Variants in TENM2 observed in about 807,000 individuals in gnomAD.
The protein encoded by TENM2 is teneurin-2.
TENM2 carries 52 observed loss-of-function variants against 245.2 expected under a neutral mutation model. The ratio of observed to expected loss-of-function variants is 0.21; its 90% CI spans 0.17 to 0.27. The LOEUF is 0.27. Among genes scored for constraint, TENM2 ranks in the 10% least tolerant of loss-of-function variants. TENM2 has a pLI of 1.00. For missense variants in TENM2, 3,046 were observed against 3,666.8 expected (o/e 0.83, Z 4.37); for synonymous variants, 1,363 against 1,438.9 (o/e 0.95, Z 1.19).
chr5:167,590,315 C>A (rs1212277211), intron 2 of TENM2, among the ~76,000 whole-genome samples: 1 of 151,788 alleles, frequency 6.6e-6, no homozygotes, highest in Non-Finnish European at 1.5e-5. Flanking sequence ...TGTTTCTCAG[C>A]TTTAAAAAAA....
chr5:167,492,532 T>C (rs1049704340), intron 2 of TENM2, among the ~76,000 whole-genome samples: 1 of 152,188 alleles, frequency 6.6e-6, no homozygotes, highest in Admixed American at 6.6e-5. Flanking sequence ...ATTTCTTTTA[T>C]ATTTAGGCTT....
the TENM2 span, among the ~76,000 whole-genome samples, chr5:167,171,133 G>C: frequency 3.9e-3 from 593 of 152,132 alleles, no homozygotes; most frequent in African/African-American, 0.014. Context: ...CTTTGGCTCT[G>C]TTCCAGCCAC....
chr5:167,940,403 A>G (rs1269811770), intron 3 of TENM2, among the ~76,000 whole-genome samples: 1 of 152,182 alleles, frequency 6.6e-6, no homozygotes, highest in East Asian at 1.9e-4. Flanking sequence ...AGAAAGACAA[A>G]TGAGTTTTTT....
intron 27 of TENM2, among the ~76,000 whole-genome samples, chr5:168,249,031 A>G (rs1216171933): frequency 6.6e-6 from 1 of 152,030 alleles, no homozygotes; most frequent in Non-Finnish European, 1.5e-5. Flanking sequence ...AGCCAAGAAA[A>G]TCACTTGAAC....
chr5:167,561,886 G>A (rs963681467), intron 2 of TENM2, among the ~76,000 whole-genome samples: 6 of 152,094 alleles, frequency 3.9e-5, no homozygotes, highest in Non-Finnish European at 7.4e-5. Flanking sequence ...CATTAGAACC[G>A]TAAAAATAAA....
intron 5 of TENM2, among the ~76,000 whole-genome samples, chr5:168,023,269 A>G (rs747782364): frequency 1.3e-5 from 2 of 152,244 alleles, no homozygotes; most frequent in African/African-American, 2.4e-5. Context: ...GATATTCAAA[A>G]TTCAATAAAA....
intron 2 of TENM2, among the ~76,000 whole-genome samples, chr5:167,382,501 G>T (rs568579551): frequency 6.6e-6 from 1 of 152,140 alleles, no homozygotes; most frequent in Admixed American, 6.6e-5. Context: ...GATAGCCAAG[G>T]AACATTCAGG....
At chr5:168,255,203 A>T (rs1767541041) in intron 27 of TENM2, among the ~76,000 whole-genome samples, 1 of 152,204 alleles carries the variant, frequency 6.6e-6, no homozygotes. Flanking sequence ...ACAGATGGGG[A>T]GAGATAGTCC....
chr5:167,557,291 G>A (rs1276125084), intron 2 of TENM2, among the ~76,000 whole-genome samples: 2 of 152,160 alleles, frequency 1.3e-5, no homozygotes, highest in African/African-American at 4.8e-5. Context: ...CATCACGATT[G>A]TCACCATGAT....
At chr5:168,079,427 T>A (rs2152181945) in intron 7 of TENM2, among the ~76,000 whole-genome samples, 1 of 152,292 alleles carries the variant, frequency 6.6e-6, no homozygotes, top group East Asian at 1.9e-4. Context: ...TTTATTTCCT[T>A]CTCCTGCCTG....
the TENM2 span, among the ~76,000 whole-genome samples, chr5:166,981,103 C>G: frequency 6.6e-6 from 1 of 152,108 alleles, no homozygotes; most frequent in Non-Finnish European, 1.5e-5. Context: ...AGAAAAAAAC[C>G]TACTCTAAGG....
intron 2 of TENM2, among the ~76,000 whole-genome samples, chr5:167,387,460 G>A (rs1195174844): frequency 1.3e-5 from 2 of 152,064 alleles, no homozygotes; most frequent in Non-Finnish European, 2.9e-5. Context: ...CATATCATCA[G>A]CAAACAGTGA....
the TENM2 span, among the ~76,000 whole-genome samples, chr5:167,118,784 C>T: frequency 6.6e-6 from 1 of 152,068 alleles, no homozygotes; most frequent in Non-Finnish European, 1.5e-5. Context: ...AAGGGTAGTA[C>T]GGAGTTCTGT....
intron 2 of TENM2, among the ~76,000 whole-genome samples, chr5:167,561,667 G>A (rs572492242): frequency 2.9e-4 from 44 of 152,340 alleles, no homozygotes; most frequent in African/African-American, 9.9e-4. Flanking sequence ...AAATAAGGGT[G>A]AGGAGGCGAG....
At chr5:168,051,084 A>G (rs2152054184) in intron 6 of TENM2, among the ~76,000 whole-genome samples, 1 of 152,356 alleles carries the variant, frequency 6.6e-6, no homozygotes, top group Middle Eastern at 3.4e-3. Flanking sequence ...AGATAACATA[A>G]GGGAATTCAG....
At chr5:167,119,569 G>A in the TENM2 span, 2 of 152,300 alleles carry the variant, frequency 1.3e-5, no homozygotes, top group African/African-American at 4.8e-5. Context: ...CCACTTGGTG[G>A]AAGATGGAAG....
At chr5:167,113,627 A>T in the TENM2 span, among the ~76,000 whole-genome samples, 3 of 149,462 alleles carry the variant, frequency 2.0e-5, no homozygotes, top group Non-Finnish European at 4.4e-5. Context: ...TGGGCAACAG[A>T]GCGAGATCCT....
At chr5:167,516,259 G>C (rs1770373408) in intron 2 of TENM2, among the ~76,000 whole-genome samples, 1 of 152,056 alleles carries the variant, frequency 6.6e-6, no homozygotes, top group African/African-American at 2.4e-5. Flanking sequence ...AATGCTTCTG[G>C]ATTGCAGCAT....
At chr5:167,040,191 A>C in the TENM2 span, among the ~76,000 whole-genome samples, 1 of 152,054 alleles carries the variant, frequency 6.6e-6, no homozygotes, top group African/African-American at 2.4e-5. Flanking sequence ...TTACAACAAA[A>C]CTTTCTAGGA....
Sources: gnomAD v4.1 joint callset for allele counts (sites outside exome capture counted in the v4.1 genomes callset) on GRCh38, gnomAD v4.1.1 for gene constraint, MANE v1.5 for transcripts, NCBI Gene and HGNC (gene_info 2026-07-23, HGNC 2026-07-21) for gene names.